RMDN2: variants seen among roughly 807,000 people sequenced by gnomAD.
The protein encoded by RMDN2 is regulator of microtubule dynamics 2.
Under a neutral mutation model 52.8 loss-of-function variants are expected in RMDN2, and 61 were observed. That is an observed-to-expected ratio of 1.16 (90% confidence interval 0.94 to 1.43). RMDN2 has a LOEUF of 1.43. Ranked by LOEUF, RMDN2 falls within the 40% of genes most tolerant of loss-of-function variation. The pLI, the probability that RMDN2 is intolerant of heterozygous loss-of-function variation, is 0.00. For missense variants in RMDN2, 592 were observed against 475.3 expected (o/e 1.25, Z -2.28); for synonymous variants, 180 against 153.1 (o/e 1.18, Z -1.30).
chr2:38,064,851 C>T (rs796999036), intron 10 of RMDN2, among the ~76,000 whole-genome samples: 7 of 152,162 alleles, frequency 4.6e-5, no homozygotes, highest in African/African-American at 1.4e-4. Flanking sequence ...GAGGTCATGC[C>T]ATGTGTTGGT....
intron 10 of RMDN2, among the ~76,000 whole-genome samples, chr2:38,041,701 A>T (rs1471964695): frequency 6.6e-6 from 1 of 152,074 alleles, no homozygotes; most frequent in Non-Finnish European, 1.5e-5. Flanking sequence ...ATTGATTGAT[A>T]TGATTATATG....
intron 2 of RMDN2, among the ~76,000 whole-genome samples, chr2:37,931,879 A>G (rs1666775673): frequency 6.6e-6 from 1 of 152,178 alleles, no homozygotes; most frequent in Non-Finnish European, 1.5e-5. Context: ...TGTTAGCAAT[A>G]AAATACTAGA....
chr2:37,978,831 C>G (rs1379825362), intron 4 of RMDN2, among the ~76,000 whole-genome samples: 1 of 135,954 alleles, frequency 7.4e-6, no homozygotes, highest in African/African-American at 2.9e-5. Context: ...AGGCTGTTTG[C>G]GAGCATATGT....
At chr2:37,944,102 C>G (rs773207992) in intron 2 of RMDN2, among the ~76,000 whole-genome samples, 2 of 152,110 alleles carry the variant, frequency 1.3e-5, no homozygotes, top group East Asian at 3.8e-4. Flanking sequence ...CTGCACCACC[C>G]AAGTTTTGCC....
rs1422183637 is a variant in RMDN2, at chr2:37,997,414, A to G, written c.946-2A>G. 1 of 1,597,382 alleles carries G rather than the reference A, an allele frequency of 6.3e-7. No individual in the cohort carries two copies. The highest frequency in any genetic ancestry group is 8.6e-7 in the Non-Finnish European group (1 of 1,164,878). On this transcript the variant is annotated splice_acceptor_variant, in intron 7 of 10. Coordinates refer to ENST00000354545, the MANE Select transcript of RMDN2 (RefSeq NM_001170791.3). LOFTEE classifies it high-confidence loss of function. ...AAGAGTGATGTTGTTGTGTATTTGCAGGTCTCAAAACTGAGCTGGATTGAG... is the reference window on the plus strand; with the variant it reads ...AAGAGTGATGTTGTTGTGTATTTGCGGGTCTCAAAACTGAGCTGGATTGAG...
chr2:38,030,553 C>G (rs1055087523), intron 10 of RMDN2: 3 of 152,148 alleles, frequency 2.0e-5, no homozygotes, highest in African/African-American at 7.2e-5. Context: ...AGTGAAAGCA[C>G]ATATATTATG....
chr2:38,025,156 A>G (rs544513023), intron 10 of RMDN2, among the ~76,000 whole-genome samples: 5 of 152,176 alleles, frequency 3.3e-5, no homozygotes, highest in South Asian at 4.1e-4. Context: ...ATACCTCTTA[A>G]TTTATTTAGG....
intron 8 of RMDN2, among the ~76,000 whole-genome samples, chr2:37,999,598 T>C (rs1005293575): frequency 6.6e-6 from 1 of 151,954 alleles, no homozygotes; most frequent in African/African-American, 2.4e-5. Context: ...GGGTCTGGAG[T>C]GCTGAGGCTA....
intron 10 of RMDN2, among the ~76,000 whole-genome samples, chr2:38,047,766 T>A (rs1460606797): frequency 6.6e-6 from 1 of 152,242 alleles, no homozygotes; most frequent in Non-Finnish European, 1.5e-5. Flanking sequence ...GTTAACTGTC[T>A]GCATCTCATG....
intron 10 of RMDN2, among the ~76,000 whole-genome samples, chr2:38,048,101 T>G (rs994933766): frequency 1.3e-5 from 2 of 152,220 alleles, no homozygotes; most frequent in African/African-American, 4.8e-5. Flanking sequence ...TAAACTTCAT[T>G]TCTCCTTCTT....
At chr2:37,991,598 T>G (rs1290248882) in intron 7 of RMDN2, among the ~76,000 whole-genome samples, 3 of 152,152 alleles carry the variant, frequency 2.0e-5, no homozygotes, top group Non-Finnish European at 4.4e-5. Context: ...CTTTCCTGCT[T>G]TTTCATTTCT....
At chr2:37,979,648 T>C (rs1233973795) in intron 4 of RMDN2, among the ~76,000 whole-genome samples, 1 of 152,190 alleles carries the variant, frequency 6.6e-6, no homozygotes, top group Non-Finnish European at 1.5e-5. Flanking sequence ...GTAATCGATA[T>C]GAATGCATCA....
intron 2 of RMDN2, among the ~76,000 whole-genome samples, chr2:37,970,084 C>T (rs565066707): frequency 6.6e-6 from 1 of 152,218 alleles, no homozygotes; most frequent in African/African-American, 2.4e-5. Flanking sequence ...AGGTGTGGGC[C>T]ACTAAACCCA....
intron 2 of RMDN2, among the ~76,000 whole-genome samples, chr2:37,931,487 C>T (rs942277865): frequency 7.2e-5 from 11 of 152,160 alleles, no homozygotes; most frequent in African/African-American, 2.2e-4. Flanking sequence ...AGGGACTAAC[C>T]AGAGAAGGTC....
chr2:38,061,467 CTT>C (rs913928445), intron 10 of RMDN2, among the ~76,000 whole-genome samples: 1 of 148,528 alleles, frequency 6.7e-6, no homozygotes, highest in African/African-American at 2.5e-5. Flanking sequence ...TTGCAACCCT[CTT>C]TTTTTTTTAA....
At chr2:37,926,191 C>T (rs887801859) in intron 1 of RMDN2, among the ~76,000 whole-genome samples, 10 of 152,158 alleles carry the variant, frequency 6.6e-5, no homozygotes, top group Admixed American at 1.3e-4. Flanking sequence ...TTATATTTTT[C>T]TCCTCTAAGG....
chr2:37,979,401 A>C (rs914705329), intron 4 of RMDN2, among the ~76,000 whole-genome samples: 1 of 152,224 alleles, frequency 6.6e-6, no homozygotes, highest in African/African-American at 2.4e-5. Flanking sequence ...AGAGCAAGGC[A>C]GGGGCTCAGA....
intron 10 of RMDN2, among the ~76,000 whole-genome samples, chr2:38,064,713 G>T: frequency 6.6e-6 from 1 of 151,968 alleles, no homozygotes; most frequent in East Asian, 1.9e-4. Context: ...GTGGAGATAT[G>T]ATGTAAACAC....
At chr2:38,021,245 C>A (rs147590011), downstream of RMDN2, among the ~76,000 whole-genome samples, 1,328 of 152,130 alleles carry the variant, frequency 8.7e-3, 15 homozygotes, top group African/African-American at 0.03. Flanking sequence ...CAATCAGCAC[C>A]CTGTCAAAAC....
Sources: gnomAD v4.1 joint callset for allele counts (sites outside exome capture counted in the v4.1 genomes callset) on GRCh38, gnomAD v4.1.1 for gene constraint, MANE v1.5 for transcripts, NCBI Gene and HGNC (gene_info 2026-07-23, HGNC 2026-07-21) for gene names.